Variants in CSMD1 observed in about 807,000 individuals in gnomAD.
CSMD1 encodes the protein CUB and sushi domain-containing protein 1.
A neutral mutation model predicts 417.5 loss-of-function variants in CSMD1; 213 were observed. The observed-to-expected ratio is 0.51, with a 90% CI of 0.46 to 0.57. The LOEUF (loss-of-function observed/expected upper bound fraction) is 0.57. Among genes scored for constraint, CSMD1 ranks in the 20% least tolerant of loss-of-function variants. The probability of loss-of-function intolerance (pLI) is 0.00; values close to 1 mark genes in which losing one functional copy is unlikely to be tolerated. For synonymous variants in CSMD1, 2,862 were observed against 1,736.8 expected, an observed-to-expected ratio of 1.65 and a Z score of -16.11; for missense variants, 6,923 against 4,529.7, an observed-to-expected ratio of 1.53 and a Z score of -15.17.
At chr8:3,320,060 T>C (rs987285678) in intron 23 of CSMD1, among the ~76,000 whole-genome samples, 4 of 152,104 alleles carry the variant, frequency 2.6e-5, no homozygotes, top group Non-Finnish European at 5.9e-5. Context: ...TACCATGAAC[T>C]CCAGCATAGA....
At chr8:3,814,088 G>C (rs572072844) in intron 5 of CSMD1, among the ~76,000 whole-genome samples, 4 of 152,156 alleles carry the variant, frequency 2.6e-5, no homozygotes, top group Admixed American at 2.0e-4. Context: ...ATTCCCTGAA[G>C]GAAGAGCTTG....
intron 2 of CSMD1, among the ~76,000 whole-genome samples, chr8:4,453,531 G>C (rs1395719216): frequency 6.6e-6 from 1 of 152,198 alleles, no homozygotes; most frequent in Non-Finnish European, 1.5e-5. Context: ...TTCCTGCAGA[G>C]AACACAGCCG....
At chr8:3,920,906 T>A (rs1038594043) in intron 5 of CSMD1, among the ~76,000 whole-genome samples, 2 of 152,164 alleles carry the variant, frequency 1.3e-5, no homozygotes, top group Non-Finnish European at 2.9e-5. Context: ...GCATCTATTT[T>A]GATTACAGAC....
chr8:3,411,333 A>G (rs1404256015), intron 12 of CSMD1, among the ~76,000 whole-genome samples: 1 of 151,542 alleles, frequency 6.6e-6, no homozygotes, highest in Non-Finnish European at 1.5e-5. Context: ...TTTGTGGGGT[A>G]TTTTTTAGTA....
chr8:3,590,811 G>C (rs1222977713), intron 8 of CSMD1, among the ~76,000 whole-genome samples: 2 of 152,096 alleles, frequency 1.3e-5, no homozygotes, highest in South Asian at 2.1e-4. Flanking sequence ...AACTAAATAA[G>C]ACCCCAATTC....
At chr8:4,021,461 G>T (rs922422374) in intron 4 of CSMD1, among the ~76,000 whole-genome samples, 2 of 152,134 alleles carry the variant, frequency 1.3e-5, no homozygotes, top group Non-Finnish European at 2.9e-5. Flanking sequence ...CCTGGCTTTT[G>T]TTGGTTAAGC....
intron 1 of CSMD1, among the ~76,000 whole-genome samples, chr8:4,677,927 G>A (rs574794610): frequency 1.3e-4 from 20 of 152,168 alleles, no homozygotes; most frequent in Middle Eastern, 3.4e-3. Flanking sequence ...TATTGATTCC[G>A]TAGGTATAAA....
intron 5 of CSMD1, among the ~76,000 whole-genome samples, chr8:3,954,005 G>C (rs974448218): frequency 1.3e-5 from 2 of 152,124 alleles, no homozygotes; most frequent in East Asian, 1.9e-4. Flanking sequence ...ATGCCTCCAG[G>C]TCTCAGCGCC....
intron 11 of CSMD1, among the ~76,000 whole-genome samples, chr8:3,479,629 C>A (rs925254275): frequency 1.5e-4 from 23 of 152,130 alleles, no homozygotes. Flanking sequence ...TGGCAAAAAA[C>A]CACAGTTGCT....
At chr8:4,710,866 T>C (rs1030905214) in intron 1 of CSMD1, among the ~76,000 whole-genome samples, 11 of 150,554 alleles carry the variant, frequency 7.3e-5, no homozygotes, top group African/African-American at 2.7e-4. Context: ...TAATAATAAA[T>C]AAAAATAAAA....
At chr8:3,197,526 C>T (rs893504577) in intron 33 of CSMD1, among the ~76,000 whole-genome samples, 5 of 147,244 alleles carry the variant, frequency 3.4e-5, no homozygotes, top group African/African-American at 5.1e-5. Flanking sequence ...AGTGCAGTGG[C>T]GCGATCTCCA....
At chr8:3,851,653 G>C (rs544001168) in intron 5 of CSMD1, among the ~76,000 whole-genome samples, 7 of 152,084 alleles carry the variant, frequency 4.6e-5, no homozygotes, top group Non-Finnish European at 8.8e-5. Flanking sequence ...TTAGGTGATA[G>C]ACAATAAGAA....
intron 3 of CSMD1, among the ~76,000 whole-genome samples, chr8:4,100,974 A>G (rs1801274965): frequency 6.6e-6 from 1 of 152,214 alleles, no homozygotes; most frequent in African/African-American, 2.4e-5. Context: ...CCATCAGCAC[A>G]ATACTGAAAT....
At chr8:4,519,482 G>A (rs944455376) in intron 2 of CSMD1, among the ~76,000 whole-genome samples, 1 of 151,874 alleles carries the variant, frequency 6.6e-6, no homozygotes, top group Non-Finnish European at 1.5e-5. Flanking sequence ...GCTCACGCCT[G>A]TAACCCCAGC....
intron 41 of CSMD1, among the ~76,000 whole-genome samples, chr8:3,119,834 TCTG>T (rs1411222413): frequency 6.6e-6 from 1 of 152,142 alleles, no homozygotes; most frequent in African/African-American, 2.4e-5. Flanking sequence ...GCCATGTAAT[TCTG>T]CTGAAACCAA....
At chr8:4,604,560 T>C (rs191087557) in intron 2 of CSMD1, among the ~76,000 whole-genome samples, 22 of 152,270 alleles carry the variant, frequency 1.4e-4, no homozygotes, top group African/African-American at 4.8e-4. Context: ...TATTTTTTTC[T>C]AAATCTCTAA....
chr8:3,313,184 A>C (rs952845795), intron 23 of CSMD1, among the ~76,000 whole-genome samples: 2 of 152,208 alleles, frequency 1.3e-5, no homozygotes, highest in East Asian at 3.8e-4. Context: ...AAACCTAGGC[A>C]ATACCATTCA....
At chr8:3,869,834 T>A (rs1805360416) in intron 5 of CSMD1, among the ~76,000 whole-genome samples, 1 of 152,138 alleles carries the variant, frequency 6.6e-6, no homozygotes, top group Non-Finnish European at 1.5e-5. Context: ...CACTTAATAA[T>A]CACATTCCAT....
intron 5 of CSMD1, among the ~76,000 whole-genome samples, chr8:3,914,799 T>G (rs1808704553): frequency 6.6e-6 from 1 of 152,164 alleles, no homozygotes; most frequent in African/African-American, 2.4e-5. Context: ...CAACAAAGAT[T>G]TATTGACATC....
Sources: gnomAD v4.1 joint callset for allele counts (sites outside exome capture counted in the v4.1 genomes callset) on GRCh38, gnomAD v4.1.1 for gene constraint, MANE v1.5 for transcripts, NCBI Gene and HGNC (gene_info 2026-07-23, HGNC 2026-07-21) for gene names.